Variants in WDR36 observed in about 807,000 individuals in gnomAD.
WDR36 encodes the protein WD repeat-containing protein 36.
WDR36 carries 63 observed loss-of-function variants against 112.7 expected under a neutral mutation model. That is an observed-to-expected ratio of 0.56 (90% CI 0.46 to 0.69). WDR36 has a LOEUF of 0.69. Among genes scored for constraint, WDR36 ranks in the 30% least tolerant of loss-of-function variants. The pLI, the probability that WDR36 is intolerant of heterozygous loss-of-function variation, is 0.00. For missense variants in WDR36, 1,226 were observed against 1,070.3 expected (o/e 1.15, Z -2.03); for synonymous variants, 410 against 362.2 (o/e 1.13, Z -1.50).
At position 111,125,701 on chromosome 5, in the gene WDR36, A is replaced by C; in HGVS notation, c.2444A>C (p.Glu815Ala). ...SLSPDCGGSI[E>A]VMQSFLKMIG... Reference sequence around the variant, plus strand: ...TCTCCTGATTGTGGTGGGTCCATAGAAGTTATGCAGAGCTTCTTGAAAATG... The same window carrying C: ...TCTCCTGATTGTGGTGGGTCCATAGCAGTTATGCAGAGCTTCTTGAAAATG... Residue 815 changes from glutamate (E) to alanine (A), a missense_variant, in exon 22 of 23, where the codon GAA (glutamate) becomes GCA (alanine). Transcript: ENST00000513710. The C allele has an allele frequency of 1.2e-6, 2 of 1,613,916 alleles. No individual in the cohort carries two copies. Among genetic ancestry groups the C allele is most frequent in the Non-Finnish European group, 8.5e-7 (1 of 1,179,864 alleles).
intron 19 of WDR36, among the ~76,000 whole-genome samples, chr5:111,122,549 A>G (rs908993552): frequency 2.0e-5 from 3 of 152,188 alleles, no homozygotes; most frequent in South Asian, 2.1e-4. Context: ...TTAACAAATC[A>G]GTGACCATCC....
chr5:111,094,712 T>C (rs1177571229), intron 1 of WDR36, among the ~76,000 whole-genome samples: 1 of 152,078 alleles, frequency 6.6e-6, no homozygotes, highest in Non-Finnish European at 1.5e-5. Flanking sequence ...ATAGAAAACA[T>C]TTGCCTACCC....
chr5:111,119,097 G>A lies in WDR36; in HGVS notation c.1881G>A (p.Val627=), dbSNP rs769758209. 8.7e-6 allele frequency: 14 copies of A among 1,612,862 alleles called. No individual in the cohort carries two copies. Among genetic ancestry groups the A allele is most frequent in the Non-Finnish European group, 1.2e-5 (14 of 1,179,072 alleles). ...GAGACTTTCTGGCAACTTCCCATGT[G>A]GACCACCTTGGAATTTATCTATGGT... ...PTGDFLATSH[V]DHLGIYLWSN... is the part of the protein sequence containing the mutation. Residue 627 remains valine, a synonymous_variant, in exon 17 of 23, where the codon GTG becomes GTA. Transcript: ENST00000513710.
At chr5:111,122,191 G>A (rs1753581084) in intron 19 of WDR36, among the ~76,000 whole-genome samples, 1 of 152,130 alleles carries the variant, frequency 6.6e-6, no homozygotes, top group African/African-American at 2.4e-5. Context: ...TTTAAAGGGA[G>A]TACTTTATGA....
intron 1 of WDR36, among the ~76,000 whole-genome samples, chr5:111,094,237 C>G (rs1420578122): frequency 6.6e-6 from 1 of 152,192 alleles, no homozygotes; most frequent in African/African-American, 2.4e-5. Flanking sequence ...TACTATATGA[C>G]TGGCCCCATT....
rs769255110 is a variant in WDR36, at chr5:111,092,422, G to T, written c.-35G>T. ...GGACTGGGTACGTGTTTTCCTTCAGGACCAGAGCTGAGAGGAGCTGGGATC... is the reference window on the plus strand; with the variant it reads ...GGACTGGGTACGTGTTTTCCTTCAGTACCAGAGCTGAGAGGAGCTGGGATC... On this transcript the variant is annotated 5_prime_UTR_variant, in exon 1 of 23. Transcript: ENST00000513710. 2.5e-6 allele frequency: 4 copies of T among 1,614,240 alleles called. No individual in the cohort carries two copies. Among genetic ancestry groups the T allele is most frequent in the East Asian group, 4.5e-5 (2 of 44,888 alleles).
chr5:111,127,990 G>C lies in WDR36; in HGVS notation c.*1107G>C, dbSNP rs1408402951. 5.1e-6 allele frequency: 1 copy of C among 196,576 alleles called. No homozygotes were observed. Among genetic ancestry groups the C allele is most frequent in the African/African-American group, 2.4e-5 (1 of 42,444 alleles). The allele number at this position is 196,576 out of a possible 1,614,324, so 12.2% of individuals were successfully genotyped here. The stretch of plus-strand genomic sequence containing the variant: ...CCTTTTAATTTGGGAAGAAAATGCT[G>C]AGTATACTTTTCTTTCACAACCATT... On this transcript the variant is annotated 3_prime_UTR_variant, in exon 23 of 23. Coordinates refer to ENST00000513710, the MANE Select transcript of WDR36 (RefSeq NM_139281.3).
At chr5:111,111,375 A>T (rs1165630264) in intron 15 of WDR36, 97 bp downstream of exon 15, 3 of 975,210 alleles carry the variant, frequency 3.1e-6, no homozygotes, top group Non-Finnish European at 4.9e-6. Flanking sequence ...TGAGGTGGTT[A>T]TCAATTTTAA....
chr5:111,105,946 A>G (rs1580395505), intron 10 of WDR36, 111 bp from the exon 11 acceptor site: 3 of 795,230 alleles, frequency 3.8e-6, no homozygotes, highest in Non-Finnish European at 6.4e-6. Flanking sequence ...TCTGACTTAA[A>G]TGGGAATATC....
chr5:111,112,739 C>T (rs540357226), intron 15 of WDR36, among the ~76,000 whole-genome samples: 60 of 151,876 alleles, frequency 4.0e-4, no homozygotes, highest in Non-Finnish European at 7.1e-4. Context: ...GCCCTTATCA[C>T]ACACATAAAC....
intron 1 of WDR36, among the ~76,000 whole-genome samples, chr5:111,093,886 T>A (rs1044026760): frequency 3.3e-5 from 5 of 152,214 alleles, no homozygotes; most frequent in African/African-American, 1.2e-4. Context: ...TAAAGATGGC[T>A]TTTAAGTTCT....
chr5:111,116,792 T>G (rs1444658845), intron 16 of WDR36, among the ~76,000 whole-genome samples: 2 of 152,168 alleles, frequency 1.3e-5, no homozygotes, highest in Non-Finnish European at 2.9e-5. Context: ...ACCACAGCTG[T>G]GGAAATGAAG....
Position 111,098,723 on chromosome 5 carries a change from T to C in WDR36, c.293T>C (p.Ile98Thr), listed in dbSNP as rs1370020575. The C allele has an allele frequency of 2.5e-6, 4 of 1,574,894 alleles. No homozygotes were observed. The highest frequency in any genetic ancestry group is 3.5e-6 in the Non-Finnish European group (4 of 1,144,458). Residue 98 changes from isoleucine (I) to threonine (T), a missense_variant and splice_region_variant, in exon 4 of 23, where the codon ATA (isoleucine) becomes ACA (threonine). Ile to Thr is a moderately conservative substitution (Grantham distance 89). Coordinates refer to ENST00000513710, the MANE Select transcript of WDR36 (RefSeq NM_139281.3). ...VFSAFARNKEIVHTFKGHKAE... is the reference protein window; with the variant it reads ...VFSAFARNKETVHTFKGHKAE... ...TTCTTTTAAACTTCGATGTTTTAGA[T>C]AGTACATACCTTTAAGGGTCATAAG...
rs1180233610 is a variant in WDR36 at position 111,103,798 on chromosome 5, G to C, written c.610G>C (p.Asp204His). 5 of 1,611,010 alleles carry C rather than the reference G, an allele frequency of 3.1e-6. No individual in the cohort carries two copies. In the Admixed American group the frequency reaches 8.4e-5, roughly 27 times the overall value. ...ATTTAATTTTTAGGCACCAGCCGTG[G>C]ATGTTGTTGCTATTGGTCTTATGTC... ...VTALQQAPAV[D>H]VVAIGLMSGQ... The change falls in exon 7 of 23, where the codon GAT becomes CAT. Residue 204 changes from aspartate to histidine, a missense_variant. Coordinates refer to ENST00000513710, the MANE Select transcript of WDR36 (RefSeq NM_139281.3).
chr5:111,120,551 G>T lies in WDR36; in HGVS notation c.1960G>T (p.Val654Phe), dbSNP rs1250106296. 1 of 1,613,080 alleles carries T rather than the reference G, an allele frequency of 6.2e-7. No homozygotes were observed. Among genetic ancestry groups the T allele is most frequent in the Non-Finnish European group, 8.5e-7 (1 of 1,179,354 alleles). Residue 654 changes from valine (V) to phenylalanine (F), a missense_variant, in exon 18 of 23, where the codon GTC (valine) becomes TTC (phenylalanine). Transcript: ENST00000513710. ...VSLRPLPADY[V>F]PSIVMLPGTC... The stretch of plus-strand genomic sequence containing the variant: ...ATTACGGCCACTTCCTGCAGATTAT[G>T]TCCCTTCAATAGTCATGCTTCCTGG...
At position 111,103,981 on chromosome 5, in the gene WDR36, C is replaced by G. The variant is rs183830431; in HGVS notation, c.730+63C>G. 28 of 1,590,840 alleles carry G rather than the reference C, an allele frequency of 1.8e-5. No individual in the cohort carries two copies. The East Asian group carries it at 6.1e-4, about 35-fold the overall frequency. On this transcript the variant is annotated intron_variant, in intron 7 of 22. Transcript: ENST00000513710. The stretch of plus-strand genomic sequence containing the variant: ...ACTTAAAATTCATTACTTTAAAAGT[C>G]AATTTTTTTTGTCTTCTGGTAGCTT...
Position 111,092,596 on chromosome 5 carries a change from G to C in WDR36, c.140G>C (p.Gly47Ala), listed in dbSNP as rs140690485. Reference protein sequence around the residue: ...KRRFYVTTCVGKSFHTYDVQK... With the variant: ...KRRFYVTTCVAKSFHTYDVQK... ...CGGTTCTATGTAACAACCTGCGTGGGCAAGAGTTTCCACACCTATGACGTG... is the reference window on the plus strand; with the variant it reads ...CGGTTCTATGTAACAACCTGCGTGGCCAAGAGTTTCCACACCTATGACGTG... Residue 47 changes from glycine to alanine, a missense_variant, in exon 1 of 23, where the codon GGC becomes GCC. Transcript: ENST00000513710. The C allele has an allele frequency of 1.5e-5, 25 of 1,613,616 alleles. No homozygotes were observed. Among genetic ancestry groups the C allele is most frequent in the Non-Finnish European group, 2.1e-5 (25 of 1,179,890 alleles).
chr5:111,119,035 G>A lies in WDR36; in HGVS notation c.1819G>A (p.Asp607Asn). 1.2e-6 allele frequency: 2 copies of A among 1,613,462 alleles called. No individual in the cohort carries two copies. Among genetic ancestry groups the A allele is most frequent in the Non-Finnish European group, 1.7e-6 (2 of 1,179,586 alleles). ...SGCLIDCFLL[D>N]SAPLNVSMSP... ...TAGCCTTATAGACTGCTTTTTGTTG[G>A]ACTCGGCTCCTCTCAATGTTTCTAT... Residue 607 changes from aspartate to asparagine, a missense_variant, in exon 17 of 23, where the codon GAC becomes AAC. By Grantham distance (23) the Asp-to-Asn change is conservative (BLOSUM62 1). Transcript: ENST00000513710.
intron 22 of WDR36, 123 bp downstream of exon 22, chr5:111,125,918 C>A (rs1753671613): frequency 1.1e-6 from 1 of 905,566 alleles, no homozygotes; most frequent in South Asian, 1.4e-5. Context: ...TAGCCACTTG[C>A]CACATGTAGC....
Sources: gnomAD v4.1 joint callset for allele counts (sites outside exome capture counted in the v4.1 genomes callset) on GRCh38, gnomAD v4.1.1 for gene constraint, MANE v1.5 for transcripts, NCBI Gene and HGNC (gene_info 2026-07-23, HGNC 2026-07-21) for gene names.